Variants in PRLR observed in about 807,000 individuals in gnomAD.
The protein encoded by PRLR is prolactin receptor.
Under a neutral mutation model 40.2 loss-of-function variants are expected in PRLR, and 13 were observed. That is an observed-to-expected ratio of 0.32 (90% CI 0.21 to 0.51). The LOEUF is 0.51. Ranked by LOEUF, PRLR falls within the 20% of genes least tolerant of loss-of-function variation. PRLR has a pLI of 0.97. For missense variants in PRLR, 656 were observed against 747.3 expected (o/e 0.88, Z 1.42); for synonymous variants, 269 against 278.7 (o/e 0.97, Z 0.35).
At chr5:35,123,359 C>T (rs1280706565) in intron 1 of PRLR, among the ~76,000 whole-genome samples, 2 of 152,136 alleles carry the variant, frequency 1.3e-5, no homozygotes, top group Admixed American at 6.5e-5. Flanking sequence ...ACTTTGAGAA[C>T]CAAGCTTCTT....
At chr5:35,093,546 C>T (rs969286547) in intron 2 of PRLR, among the ~76,000 whole-genome samples, 2 of 152,182 alleles carry the variant, frequency 1.3e-5, no homozygotes, top group Non-Finnish European at 2.9e-5. Context: ...GTTTTCCTAA[C>T]TCCAGAAATG....
At chr5:35,100,170 C>T (rs577771483) in intron 2 of PRLR, among the ~76,000 whole-genome samples, 14 of 124,898 alleles carry the variant, frequency 1.1e-4, no homozygotes, top group Non-Finnish European at 1.6e-4. Context: ...GGCGACAGGG[C>T]GAGACTCTGT....
intron 3 of PRLR, 110 bp from the exon 4 acceptor site, chr5:35,086,450 A>C: frequency 1.0e-5 from 14 of 1,348,682 alleles, no homozygotes; most frequent in Non-Finnish European, 1.4e-5. Context: ...ATGAAGTCTC[A>C]GGCTGAGGAG....
At chr5:35,153,960 C>A (rs1303731175) in intron 1 of PRLR, among the ~76,000 whole-genome samples, 1 of 152,090 alleles carries the variant, frequency 6.6e-6, no homozygotes, top group Non-Finnish European at 1.5e-5. Context: ...CAGAAAGAGC[C>A]CACTGGACAG....
intron 1 of PRLR, among the ~76,000 whole-genome samples, chr5:35,202,706 T>A (rs1294523926): frequency 6.6e-6 from 1 of 152,134 alleles, no homozygotes; most frequent in African/African-American, 2.4e-5. Flanking sequence ...TTTAGTTAAG[T>A]CTCTTAAGAA....
intron 1 of PRLR, among the ~76,000 whole-genome samples, chr5:35,181,044 A>T (rs1197814867): frequency 6.6e-6 from 1 of 152,236 alleles, no homozygotes; most frequent in Non-Finnish European, 1.5e-5. Flanking sequence ...ATTGGTCATT[A>T]GTATGTCCTT....
At chr5:35,206,263 A>G (rs1377577577) in intron 1 of PRLR, among the ~76,000 whole-genome samples, 3 of 152,126 alleles carry the variant, frequency 2.0e-5, no homozygotes, top group Non-Finnish European at 4.4e-5. Context: ...AATGTAGATG[A>G]CCTACATTAT....
chr5:35,063,505 C>T lies in PRLR; in HGVS notation c.*1584G>A, dbSNP rs186055088. The T allele has an allele frequency of 6.6e-6, 1 of 152,190 alleles. No individual in the cohort carries two copies. The highest frequency in any genetic ancestry group is 2.4e-5 in the African/African-American group (1 of 41,448). 9.4% of individuals were successfully genotyped at this position (152,190 alleles called of 1,614,324 possible). On this transcript the variant is annotated 3_prime_UTR_variant, in exon 10 of 10. Transcript: ENST00000618457. Reference sequence around the variant, plus strand: ...CTTTGACTTCTTTCAGGAAGCCTGGCACTGGAATTGACCGGGAGATTCTCA... The same window carrying T: ...CTTTGACTTCTTTCAGGAAGCCTGGTACTGGAATTGACCGGGAGATTCTCA...
intron 1 of PRLR, among the ~76,000 whole-genome samples, chr5:35,156,127 T>TAAAAAAAAAAAAA (rs765998296): frequency 1.9e-5 from 2 of 103,816 alleles, no homozygotes; most frequent in African/African-American, 7.4e-5. Flanking sequence ...TTGCTCAAGA[T>TAAAAAAAAAAAAA]AAAAAAAAAA....
chr5:35,083,296 G>C (rs1394522884), intron 5 of PRLR, among the ~76,000 whole-genome samples: 2 of 152,028 alleles, frequency 1.3e-5, no homozygotes, highest in Non-Finnish European at 2.9e-5. Context: ...CTAAAAAGCA[G>C]GTCAGGTCCA....
chr5:35,176,622 G>A (rs565541269), intron 1 of PRLR, among the ~76,000 whole-genome samples: 5 of 152,202 alleles, frequency 3.3e-5, no homozygotes, highest in East Asian at 1.9e-4. Context: ...AAGGCAGCAC[G>A]CTCCTTAAGA....
intron 1 of PRLR, among the ~76,000 whole-genome samples, chr5:35,190,647 C>T (rs1458567701): frequency 1.3e-5 from 2 of 151,798 alleles, no homozygotes; most frequent in Non-Finnish European, 2.9e-5. Flanking sequence ...TTGGCCTAAG[C>T]AATCAGTTGC....
At chr5:35,175,493 A>G (rs1775122373) in intron 1 of PRLR, among the ~76,000 whole-genome samples, 1 of 152,194 alleles carries the variant, frequency 6.6e-6, no homozygotes, top group African/African-American at 2.4e-5. Flanking sequence ...GGGTAGACAG[A>G]TGTGTGCTAG....
chr5:35,150,618 G>T (rs1465626787), intron 1 of PRLR, among the ~76,000 whole-genome samples: 1 of 152,148 alleles, frequency 6.6e-6, no homozygotes, highest in Non-Finnish European at 1.5e-5. Context: ...GTGCTTAATA[G>T]TGGGTCATAA....
chr5:35,077,245 A>G (rs1213432930), intron 5 of PRLR, among the ~76,000 whole-genome samples: 1 of 152,196 alleles, frequency 6.6e-6, no homozygotes, highest in Non-Finnish European at 1.5e-5. Flanking sequence ...AAAGACACAG[A>G]CTGGCAAATT....
chr5:35,124,917 G>A (rs1277107158), intron 1 of PRLR, among the ~76,000 whole-genome samples: 1 of 152,196 alleles, frequency 6.6e-6, no homozygotes, highest in Non-Finnish European at 1.5e-5. Flanking sequence ...ACTTTAACAA[G>A]AGAAGGTGTA....
intron 1 of PRLR, among the ~76,000 whole-genome samples, chr5:35,164,236 A>G (rs887183373): frequency 1.3e-5 from 2 of 152,198 alleles, no homozygotes; most frequent in Non-Finnish European, 1.5e-5. Context: ...ACAACCAATT[A>G]GCTGATATCT....
intron 1 of PRLR, among the ~76,000 whole-genome samples, chr5:35,125,723 G>T (rs1773436212): frequency 1.3e-5 from 2 of 152,142 alleles, no homozygotes; most frequent in African/African-American, 4.8e-5. Context: ...AAGTATAAGA[G>T]AATACATATT....
At chr5:35,099,026 C>T (rs965417144) in intron 2 of PRLR, among the ~76,000 whole-genome samples, 4 of 151,848 alleles carry the variant, frequency 2.6e-5, no homozygotes, top group Non-Finnish European at 4.4e-5. Flanking sequence ...ATGTATTTTC[C>T]CACTCTTATT....
Sources: gnomAD v4.1 joint callset for allele counts (sites outside exome capture counted in the v4.1 genomes callset) on GRCh38, gnomAD v4.1.1 for gene constraint, MANE v1.5 for transcripts, NCBI Gene and HGNC (gene_info 2026-07-23, HGNC 2026-07-21) for gene names.